MITF: variants seen among roughly 807,000 people sequenced by gnomAD.
MITF encodes the protein microphthalmia-associated transcription factor.
A neutral mutation model predicts 60.5 loss-of-function variants in MITF; 17 were observed. The ratio of observed to expected loss-of-function variants is 0.28; its 90% confidence interval spans 0.19 to 0.42. The LOEUF is 0.42. Ranked by LOEUF, MITF falls within the 10% of genes least tolerant of loss-of-function variation. The probability of loss-of-function intolerance (pLI) is 1.00; values close to 1 mark genes in which losing one functional copy is unlikely to be tolerated. For missense variants in MITF, 622 were observed against 683.5 expected (o/e 0.91, Z 1.00); for synonymous variants, 260 against 248.5 (o/e 1.05, Z -0.43).
intron 2 of MITF, among the ~76,000 whole-genome samples, chr3:69,901,169 C>T (rs1392520874): frequency 1.3e-5 from 2 of 150,186 alleles, no homozygotes; most frequent in Admixed American, 6.6e-5. Context: ...AAAAGAATGG[C>T]CCTTTAACCA....
intron 1 of MITF, among the ~76,000 whole-genome samples, chr3:69,807,195 T>C (rs2063024083): frequency 6.6e-6 from 1 of 152,208 alleles, no homozygotes; most frequent in South Asian, 2.1e-4. Context: ...GCCTGACTTC[T>C]CTTTTATTTA....
intron 2 of MITF, among the ~76,000 whole-genome samples, chr3:69,910,223 C>G (rs1171932781): frequency 6.6e-6 from 1 of 152,194 alleles, no homozygotes; most frequent in Non-Finnish European, 1.5e-5. Context: ...TGGTGTTGAG[C>G]CTGCATGTGC....
intron 5 of MITF, among the ~76,000 whole-genome samples, chr3:69,946,824 T>C (rs1447575431): frequency 1.3e-5 from 2 of 152,126 alleles, no homozygotes; most frequent in Non-Finnish European, 2.9e-5. Flanking sequence ...ATGTGCACTG[T>C]CGTCAATCCA....
chr3:69,894,255 T>G (rs985943184), intron 2 of MITF, among the ~76,000 whole-genome samples: 4 of 152,354 alleles, frequency 2.6e-5, no homozygotes, highest in Admixed American at 2.0e-4. Flanking sequence ...TGAAAACAAG[T>G]GATCTGTGTT....
chr3:69,858,294 AACAG>A (rs937174564), intron 1 of MITF, among the ~76,000 whole-genome samples: 4 of 152,184 alleles, frequency 2.6e-5, no homozygotes, highest in Non-Finnish European at 5.9e-5. Flanking sequence ...ATGATTAATC[AACAG>A]ACAGGAAGGA....
intron 1 of MITF, among the ~76,000 whole-genome samples, chr3:69,854,468 A>G (rs2063881108): frequency 1.3e-5 from 2 of 152,184 alleles, no homozygotes; most frequent in South Asian, 4.1e-4. Context: ...TACAACATAA[A>G]TGCCATGTAA....
intron 2 of MITF, among the ~76,000 whole-genome samples, chr3:69,907,299 G>A (rs2065120615): frequency 6.6e-6 from 1 of 152,208 alleles, no homozygotes; most frequent in East Asian, 1.9e-4. Flanking sequence ...AAAGTCATGT[G>A]GGTTTTAGAG....
At chr3:69,953,119 C>T (rs970120777) in intron 7 of MITF, among the ~76,000 whole-genome samples, 5 of 152,132 alleles carry the variant, frequency 3.3e-5, no homozygotes, top group Non-Finnish European at 1.5e-5. Context: ...CTCCCCAGTT[C>T]TCATGTCAAG....
chr3:69,961,970 C>A (rs2066561178), intron 9 of MITF, among the ~76,000 whole-genome samples: 1 of 152,134 alleles, frequency 6.6e-6, no homozygotes, highest in African/African-American at 2.4e-5. Context: ...TCACAGAAAA[C>A]ATTATTAATT....
At chr3:69,785,575 CT>C (rs1250488080) in intron 1 of MITF, among the ~76,000 whole-genome samples, 2 of 152,172 alleles carry the variant, frequency 1.3e-5, no homozygotes, top group Non-Finnish European at 2.9e-5. Context: ...TTTTGCTTTG[CT>C]TTTTCCTTAA....
intron 1 of MITF, among the ~76,000 whole-genome samples, chr3:69,858,321 T>C (rs917062270): frequency 1.3e-5 from 2 of 152,124 alleles, no homozygotes; most frequent in African/African-American, 2.4e-5. Flanking sequence ...TTTGTGCAAA[T>C]ATTATTTTTC....
At chr3:69,932,736 G>C (rs1327815318) in intron 2 of MITF, among the ~76,000 whole-genome samples, 3 of 152,130 alleles carry the variant, frequency 2.0e-5, no homozygotes, top group Non-Finnish European at 4.4e-5. Flanking sequence ...GGACTGAAAA[G>C]AACCTCGACA....
chr3:69,869,510 G>A (rs967385902), intron 1 of MITF, among the ~76,000 whole-genome samples: 3 of 152,176 alleles, frequency 2.0e-5, no homozygotes, highest in African/African-American at 4.8e-5. Context: ...TTTAGTAGGC[G>A]AGCTGGGACA....
At chr3:69,852,646 A>G (rs747007335) in intron 1 of MITF, among the ~76,000 whole-genome samples, 1 of 152,186 alleles carries the variant, frequency 6.6e-6, no homozygotes, top group Non-Finnish European at 1.5e-5. Flanking sequence ...TTTGGTGAAC[A>G]CACATATAAA....
intron 1 of MITF, among the ~76,000 whole-genome samples, chr3:69,830,002 G>C (rs933222450): frequency 6.6e-6 from 1 of 152,054 alleles, no homozygotes; most frequent in Non-Finnish European, 1.5e-5. Flanking sequence ...TTCCATCTGT[G>C]TGTTTCTTTG....
At chr3:69,811,806 T>TTTGAG (rs2063104823) in intron 1 of MITF, among the ~76,000 whole-genome samples, 1 of 152,142 alleles carries the variant, frequency 6.6e-6, no homozygotes, top group Non-Finnish European at 1.5e-5. Context: ...AGGAAGACTG[T>TTTGAG]GTACACAGAG....
At chr3:69,943,955 G>A (rs1662098695) in intron 5 of MITF, among the ~76,000 whole-genome samples, 1 of 151,990 alleles carries the variant, frequency 6.6e-6, no homozygotes. Context: ...GCTGGGTGGG[G>A]TAGTAGTACA....
chr3:69,814,062 G>A (rs1199816403), intron 1 of MITF, among the ~76,000 whole-genome samples: 1 of 151,854 alleles, frequency 6.6e-6, no homozygotes, highest in Non-Finnish European at 1.5e-5. Flanking sequence ...ATATGCTATT[G>A]GTCAGGTCAC....
chr3:69,937,778 C>G, intron 2 of MITF, 44 bp from the exon 3 acceptor site: 1 of 1,553,658 alleles, frequency 6.4e-7, no homozygotes, highest in Middle Eastern at 1.7e-4. Context: ...CTGAAACTCA[C>G]AAATAACAGC....
Sources: gnomAD v4.1 joint callset for allele counts (sites outside exome capture counted in the v4.1 genomes callset) on GRCh38, gnomAD v4.1.1 for gene constraint, MANE v1.5 for transcripts, NCBI Gene and HGNC (gene_info 2026-07-23, HGNC 2026-07-21) for gene names.